VAC14: variants seen among roughly 807,000 people sequenced by gnomAD.
The protein encoded by VAC14 is VAC14 component of PIKFYVE complex.
In VAC14, 47 loss-of-function variants were observed where a neutral mutation model predicts 85.3. That is an observed-to-expected ratio of 0.55 (90% CI 0.44 to 0.70). The LOEUF is 0.70. VAC14 is among the 30% of genes least tolerant of loss of function. The pLI is 0.00. For missense variants in VAC14, 861 were observed against 1,004.3 expected (o/e 0.86, Z 1.93); for synonymous variants, 447 against 430.5 (o/e 1.04, Z -0.47).
Position 70,801,055 on chromosome 16 carries a change from A to T in VAC14, c.-155T>A. 1 of 502,942 alleles carries T rather than the reference A, an allele frequency of 2.0e-6. No individual in the cohort carries two copies. The highest frequency in any genetic ancestry group is 3.4e-6 in the Non-Finnish European group (1 of 295,728). 31.2% of individuals were successfully genotyped at this position (502,942 alleles called of 1,614,324 possible). A position where few individuals can be genotyped will look rare whatever the true frequency, so the allele number is the denominator to read the frequency against. On this transcript the variant is annotated 5_prime_UTR_variant, in exon 1 of 19. Transcript: ENST00000261776. ...GCCACGCTCCGCCGCCTCGCCCTGGAACCCGGGCCCGGACCCCGCTCCAGC... is the reference window on the plus strand; with the variant it reads ...GCCACGCTCCGCCGCCTCGCCCTGGTACCCGGGCCCGGACCCCGCTCCAGC...
At chr16:70,689,551 C>T (rs1485857385) in intron 18 of VAC14, 3 of 985,482 alleles carry the variant, frequency 3.0e-6, no homozygotes, top group Non-Finnish European at 3.6e-6. Flanking sequence ...GGCCCGGAGG[C>T]GGCCTCCTGC....
At chr16:70,692,278 T>C (rs1322045660) in intron 18 of VAC14, among the ~76,000 whole-genome samples, 3 of 151,468 alleles carry the variant, frequency 2.0e-5, no homozygotes, top group Non-Finnish European at 4.4e-5. Flanking sequence ...CAGGGGAGCC[T>C]TGAGTGTACC....
intron 12 of VAC14, among the ~76,000 whole-genome samples, chr16:70,749,569 G>GAC (rs148582260): frequency 3.9e-5 from 6 of 152,092 alleles, no homozygotes; most frequent in African/African-American, 7.2e-5. Context: ...TGTGCGCACA[G>GAC]ACACACACAC....
intron 10 of VAC14, 50 bp downstream of exon 10, chr16:70,772,059 T>C (rs75732232): frequency 1.9e-6 from 3 of 1,573,042 alleles, no homozygotes; most frequent in Middle Eastern, 3.8e-4. Context: ...CCAGGAAAGA[T>C]CTAGGCCGCT....
At chr16:70,799,106 C>T (rs568134778) in intron 1 of VAC14, among the ~76,000 whole-genome samples, 80 of 152,264 alleles carry the variant, frequency 5.3e-4, no homozygotes, top group Admixed American at 9.1e-4. Flanking sequence ...GAGATGAATA[C>T]CTCTCTCTTC....
chr16:70,717,667 T>G lies in VAC14; in HGVS notation c.1661+13828A>C, dbSNP rs909614998. Among the ~76,000 whole-genome samples the G allele has an allele frequency of 4.6e-5, 7 of 152,110 alleles. 1 individual carries two copies. Among genetic ancestry groups the G allele is most frequent in the African/African-American group, 1.7e-4 (7 of 41,426 alleles). ...TGAGTATTCATTTTTTTCTTTTTCT[T>G]TTTTTTGAGACAGGGTCTCACTCTG... On this transcript the variant is annotated intron_variant, in intron 14 of 18. Coordinates refer to ENST00000261776, the MANE Select transcript of VAC14 (RefSeq NM_018052.5).
At chr16:70,731,709 T>C in intron 13 of VAC14, 82 bp from the exon 14 acceptor site, 1 of 1,435,648 alleles carries the variant, frequency 7.0e-7, no homozygotes, top group Non-Finnish European at 9.3e-7. Flanking sequence ...TATAAACAAC[T>C]ATAAATGCCA....
At chr16:70,787,154 C>T (rs990027370) in intron 1 of VAC14, among the ~76,000 whole-genome samples, 3 of 152,122 alleles carry the variant, frequency 2.0e-5, no homozygotes, top group Non-Finnish European at 4.4e-5. Flanking sequence ...AACTGGACAT[C>T]TCTGGTGGTG....
intron 14 of VAC14, among the ~76,000 whole-genome samples, chr16:70,705,706 C>G (rs982893915): frequency 1.3e-5 from 2 of 152,118 alleles, no homozygotes; most frequent in African/African-American, 4.8e-5. Flanking sequence ...CCAGCCCTCA[C>G]TGGCCCCGCA....
chr16:70,697,095 G>C, intron 16 of VAC14, 44 bp downstream of exon 16: 2 of 1,540,150 alleles, frequency 1.3e-6, no homozygotes, highest in Non-Finnish European at 1.8e-6. Context: ...GCCCCTTCCT[G>C]CCCCTCAGAG....
At chr16:70,784,952 A>G (rs1165281825) in intron 3 of VAC14, 114 bp from the exon 4 acceptor site, 1 of 886,214 alleles carries the variant, frequency 1.1e-6, no homozygotes, top group African/African-American at 1.6e-5. Context: ...CAGAACATCT[A>G]GCAAGAACAT....
rs74024458 is a variant in VAC14 at position 70,796,592 on chromosome 16, C to G, written c.104+4205G>C. ...GGGAAGATTACTTAACCTCAAGGAG[C>G]CTGTTTCCTCATCTGTGAAACAGGG... On this transcript the variant is annotated intron_variant, in intron 1 of 18. Transcript: ENST00000261776. Among the ~76,000 whole-genome samples, 845 of 152,280 alleles carry G rather than the reference C, an allele frequency of 5.5e-3. 7 individuals are homozygous for G. Among genetic ancestry groups the G allele is most frequent in the African/African-American group, 0.019 (797 of 41,550 alleles).
At chr16:70,706,848 A>G (rs2053929660) in intron 14 of VAC14, among the ~76,000 whole-genome samples, 2 of 152,120 alleles carry the variant, frequency 1.3e-5, no homozygotes, top group South Asian at 4.2e-4. Context: ...CATCCCCTTC[A>G]GTGGTCCAAG....
At chr16:70,774,118 T>C (rs2033392860) in intron 9 of VAC14, among the ~76,000 whole-genome samples, 1 of 152,170 alleles carries the variant, frequency 6.6e-6, no homozygotes, top group African/African-American at 2.4e-5. Context: ...TTCGATACAC[T>C]ACCATTAACT....
intron 12 of VAC14, among the ~76,000 whole-genome samples, chr16:70,759,044 G>A (rs1188347790): frequency 6.6e-6 from 1 of 152,180 alleles, no homozygotes; most frequent in Non-Finnish European, 1.5e-5. Context: ...ACACCCCAGC[G>A]AGGCCACGCA....
chr16:70,784,697 A>G lies in VAC14; in HGVS notation c.486+79T>C, dbSNP rs2143269976. The G allele has an allele frequency of 3.0e-6, 4 of 1,320,318 alleles. No individual in the cohort carries two copies. In the East Asian group the frequency reaches 9.2e-5, roughly 30 times the overall value. 81.8% of individuals were successfully genotyped at this position (1,320,318 alleles called of 1,614,324 possible). A position where few individuals can be genotyped will look rare whatever the true frequency, so the allele number is the denominator to read the frequency against. ...TTTTAAATTCAAGAAGAACATTCCC[A>G]ATGACAGAATTTCTAAGCTTTACAG... is the stretch of plus-strand genomic sequence containing the variant. On this transcript the variant is annotated intron_variant, in intron 4 of 18. Coordinates refer to ENST00000261776, the MANE Select transcript of VAC14 (RefSeq NM_018052.5).
At chr16:70,749,080 G>C (rs979029855) in intron 12 of VAC14, among the ~76,000 whole-genome samples, 28 of 152,258 alleles carry the variant, frequency 1.8e-4, no homozygotes, top group African/African-American at 6.8e-4. Context: ...AGGCTGTTGT[G>C]AAGATTACAA....
chr16:70,763,935 G>A (rs1257201106), intron 10 of VAC14, among the ~76,000 whole-genome samples: 1 of 152,160 alleles, frequency 6.6e-6, no homozygotes, highest in African/African-American at 2.4e-5. Flanking sequence ...ATATTGGGGA[G>A]GGGCTCCCTT....
intron 16 of VAC14, 177 bp from the exon 17 acceptor site, chr16:70,695,800 A>C: frequency 1.7e-6 from 1 of 591,804 alleles, no homozygotes; most frequent in East Asian, 2.9e-5. Context: ...TTCTGTCCTA[A>C]ATGGAACTCC....
Sources: gnomAD v4.1 joint callset for allele counts (sites outside exome capture counted in the v4.1 genomes callset) on GRCh38, gnomAD v4.1.1 for gene constraint, MANE v1.5 for transcripts, NCBI Gene and HGNC (gene_info 2026-07-23, HGNC 2026-07-21) for gene names.